AGAP1: variants seen among roughly 807,000 people sequenced by gnomAD.
The protein encoded by AGAP1 is ArfGAP with GTPase domain, ankyrin repeat and PH domain 1, also known as arf-GAP with GTPase, ANK repeat and PH domain-containing protein 1.
Under a neutral mutation model 105.3 loss-of-function variants are expected in AGAP1, and 29 were observed. That is an observed-to-expected ratio of 0.28 (90% CI 0.21 to 0.38). The LOEUF (loss-of-function observed/expected upper bound fraction) is 0.38. Among genes scored for constraint, AGAP1 ranks in the 10% least tolerant of loss-of-function variants. The probability of loss-of-function intolerance (pLI) is 1.00; values close to 1 mark genes in which losing one functional copy is unlikely to be tolerated. For synonymous variants in AGAP1, 509 were observed against 485.9 expected, an observed-to-expected ratio of 1.05 and a Z score of -0.63; for missense variants, 998 against 1,165.1, an observed-to-expected ratio of 0.86 and a Z score of 2.09.
At chr2:235,590,913 G>A (rs1945317278) in intron 1 of AGAP1, among the ~76,000 whole-genome samples, 1 of 151,552 alleles carries the variant, frequency 6.6e-6, no homozygotes, top group Admixed American at 6.6e-5. Flanking sequence ...AGTAGAGACG[G>A]GGTTTCACCA....
intron 13 of AGAP1, among the ~76,000 whole-genome samples, chr2:235,995,526 AAAAG>A (rs1377505756): frequency 2.0e-5 from 3 of 152,148 alleles, no homozygotes; most frequent in East Asian, 1.9e-4. Flanking sequence ...AAAAACAAAC[AAAAG>A]AAAGAAAAAA....
Position 236,076,613 on chromosome 2 carries a change from G to C in AGAP1, c.2114+27332G>C, listed in dbSNP as rs750384246. Among the ~76,000 whole-genome samples the C allele has an allele frequency of 3.9e-5, 6 of 152,168 alleles. No individual in the cohort carries two copies. The highest frequency in any genetic ancestry group is 7.3e-5 in the Non-Finnish European group (5 of 68,034). The stretch of plus-strand genomic sequence containing the variant: ...ATTTTAATCTCAGAGAATGATGATA[G>C]ATGTTTCTGGAAAATGAGTTGTGTT... On this transcript the variant is annotated intron_variant, in intron 16 of 17. Transcript: ENST00000304032. The surrounding 1 kb of genome is among the most constrained non-coding windows in gnomAD (Gnocchi z 4.4).
At position 236,038,855 on chromosome 2, in the gene AGAP1, AC is replaced by A. The variant is rs201852250; in HGVS notation, c.1801-1895del. Among the ~76,000 whole-genome samples the A allele has an allele frequency of 7.1e-3, 1,077 of 151,958 alleles. 11 individuals carry two copies. Among genetic ancestry groups the A allele is most frequent in the African/African-American group, 0.025 (1,020 of 41,404 alleles). On this transcript the variant is annotated intron_variant, in intron 14 of 17. Transcript: ENST00000304032. This position sits in a 1 kb window ranked among gnomAD's most constrained non-coding sequence, Gnocchi z 4.5. Reference sequence around the variant, plus strand: ...TGTGTGTGTGTGTGTGTGTGATCACACACTTGCATTCCAGATGCCAGTGTAA... The same window carrying A: ...TGTGTGTGTGTGTGTGTGTGATCACAACTTGCATTCCAGATGCCAGTGTAA...
rs192889157 is a variant in AGAP1 at position 235,889,149 on chromosome 2, C to T, written c.1155+5700C>T. ...GATGTTTTCCACACATCGGTGTGTT[C>T]GAAAATAAACCCAGCTCTTGGCCAA... On this transcript the variant is annotated intron_variant, in intron 10 of 17. Coordinates refer to ENST00000304032, the MANE Select transcript of AGAP1 (RefSeq NM_001037131.3). This position sits in a 1 kb window ranked among gnomAD's most constrained non-coding sequence, Gnocchi z 4.6. Among the ~76,000 whole-genome samples the T allele has an allele frequency of 1.2e-3, 190 of 152,252 alleles. No homozygotes were observed. Among genetic ancestry groups the T allele is most frequent in the Non-Finnish European group, 2.1e-3 (142 of 68,028 alleles).
rs980703782 is a variant in AGAP1, at chr2:236,005,262, C to T, written c.1646-31299C>T. Among the ~76,000 whole-genome samples, 1 of 152,126 alleles carries T rather than the reference C, an allele frequency of 6.6e-6. No homozygotes were observed. Among genetic ancestry groups the T allele is most frequent in the Non-Finnish European group, 1.5e-5 (1 of 68,012 alleles). On this transcript the variant is annotated intron_variant, in intron 13 of 17. Coordinates refer to ENST00000304032, the MANE Select transcript of AGAP1 (RefSeq NM_001037131.3). This position sits in a 1 kb window ranked among gnomAD's most constrained non-coding sequence, Gnocchi z 4.1. ...CCAGACTCAAGCGATTCTTGCCCCT[C>T]AGCCTCCCAAATAGCTGGGACTACA...
rs1369120965 is a variant in AGAP1, at chr2:235,596,026, T to C, written c.163+101177T>C. 6.6e-6 allele frequency among the ~76,000 whole-genome samples: 1 copy of C among 152,200 alleles called. No individual in the cohort carries two copies. Among genetic ancestry groups the C allele is most frequent in the African/African-American group, 2.4e-5 (1 of 41,450 alleles). ...TTCTGATGTTATGAAGCTATGCTCCTGGAAGTGGTTGTGAAAATCGCAGCC... is the reference window on the plus strand; with the variant it reads ...TTCTGATGTTATGAAGCTATGCTCCCGGAAGTGGTTGTGAAAATCGCAGCC... On this transcript the variant is annotated intron_variant, in intron 1 of 17. Transcript: ENST00000304032. This position sits in a 1 kb window ranked among gnomAD's most constrained non-coding sequence, Gnocchi z 5.9.
chr2:235,919,392 C>T lies in AGAP1; in HGVS notation c.1324+10486C>T, dbSNP rs1397146140. On this transcript the variant is annotated intron_variant, in intron 11 of 17. Transcript: ENST00000304032. This position sits in a 1 kb window ranked among gnomAD's most constrained non-coding sequence, Gnocchi z 4.1. Reference sequence around the variant, plus strand: ...TTACCACTCATATAGTGAACGTTTGCGTTTCTGGAGTATTTCTAGGGAGTG... The same window carrying T: ...TTACCACTCATATAGTGAACGTTTGTGTTTCTGGAGTATTTCTAGGGAGTG... 2.0e-5 allele frequency among the ~76,000 whole-genome samples: 3 copies of T among 152,104 alleles called. No homozygotes were observed. The highest frequency in any genetic ancestry group is 2.1e-4 in the South Asian group (1 of 4,814).
rs1049699058 is a variant in AGAP1 at position 235,689,667 on chromosome 2, T to C, written c.164-19512T>C. The stretch of plus-strand genomic sequence containing the variant: ...CTCCCCTAACCTCAAATCTGTGTAA[T>C]GAAGTATCTGCAACATTTCCACTCA... On this transcript the variant is annotated intron_variant, in intron 1 of 17. Transcript: ENST00000304032. The surrounding 1 kb of genome is among the most constrained non-coding windows in gnomAD (Gnocchi z 4.2). Among the ~76,000 whole-genome samples, 4 of 152,226 alleles carry C rather than the reference T, an allele frequency of 2.6e-5. No individual in the cohort carries two copies. Among genetic ancestry groups the C allele is most frequent in the Non-Finnish European group, 5.9e-5 (4 of 68,044 alleles).
Position 236,027,152 on chromosome 2 carries a change from T to C in AGAP1, c.1646-9409T>C, listed in dbSNP as rs1381394594. Among the ~76,000 whole-genome samples the C allele has an allele frequency of 6.6e-6, 1 of 152,014 alleles. No individual in the cohort carries two copies. Among genetic ancestry groups the C allele is most frequent in the African/African-American group, 2.4e-5 (1 of 41,418 alleles). ...AGTTGCTCTATAATCCTTGTACTTATTTTTTTTAATCTTGGGAGGCAGAGA... is the reference window on the plus strand; with the variant it reads ...AGTTGCTCTATAATCCTTGTACTTACTTTTTTTAATCTTGGGAGGCAGAGA... On this transcript the variant is annotated intron_variant, in intron 13 of 17. Coordinates refer to ENST00000304032, the MANE Select transcript of AGAP1 (RefSeq NM_001037131.3). This position sits in a 1 kb window ranked among gnomAD's most constrained non-coding sequence, Gnocchi z 4.4.
At chr2:236,097,015 C>G (rs1302051408) in intron 16 of AGAP1, among the ~76,000 whole-genome samples, 1 of 152,206 alleles carries the variant, frequency 6.6e-6, no homozygotes, top group Non-Finnish European at 1.5e-5. Context: ...AATTCACTTT[C>G]AGAAGCCTTG....
chr2:235,553,561 A>C lies in AGAP1; in HGVS notation c.163+58712A>C, dbSNP rs1271070904. ...CAATATTAAGAAGGCGAGTCCACGC[A>C]TCTCTCTGGCCTGTTGGCTCACATT... On this transcript the variant is annotated intron_variant, in intron 1 of 17. Transcript: ENST00000304032. The surrounding 1 kb of genome is among the most constrained non-coding windows in gnomAD (Gnocchi z 4.5). 1.3e-5 allele frequency among the ~76,000 whole-genome samples: 2 copies of C among 152,172 alleles called. No individual in the cohort carries two copies. The highest frequency in any genetic ancestry group is 3.9e-4 in the East Asian group (2 of 5,192).
At chr2:235,956,147 A>G (rs779821925) in intron 12 of AGAP1, among the ~76,000 whole-genome samples, 1 of 152,172 alleles carries the variant, frequency 6.6e-6, no homozygotes, top group Non-Finnish European at 1.5e-5. Context: ...TGAGCACCCA[A>G]CTTGAGAAAT....
At chr2:235,863,679 A>G (rs1038147945) in intron 9 of AGAP1, among the ~76,000 whole-genome samples, 3 of 152,228 alleles carry the variant, frequency 2.0e-5, no homozygotes, top group African/African-American at 7.2e-5. Flanking sequence ...GCACATGGCT[A>G]ACTACGGGTC....
chr2:235,884,280 A>G (rs1187178750), intron 10 of AGAP1, among the ~76,000 whole-genome samples: 4 of 152,150 alleles, frequency 2.6e-5, no homozygotes, highest in African/African-American at 9.7e-5. Flanking sequence ...AGTCCCTTAT[A>G]TTAAATGGCA....
intron 1 of AGAP1, among the ~76,000 whole-genome samples, chr2:235,703,969 GC>G (rs1950395918): frequency 1.3e-5 from 2 of 152,104 alleles, no homozygotes; most frequent in South Asian, 4.1e-4. Context: ...GCCACCTCGC[GC>G]CCGACCAGAA....
chr2:236,034,301 A>AT (rs11303036), intron 13 of AGAP1, among the ~76,000 whole-genome samples: 4,631 of 146,496 alleles, frequency 0.032, 148 homozygotes, highest in East Asian at 0.11. Context: ...AGTTACAATG[A>AT]TTTTTTTTTT....
intron 1 of AGAP1, among the ~76,000 whole-genome samples, chr2:235,630,662 C>T (rs181021732): frequency 5.2e-4 from 79 of 152,348 alleles, no homozygotes; most frequent in African/African-American, 1.8e-3. Flanking sequence ...TGGGGAGCAG[C>T]AGCTGATGTG....
rs1016128032 is a variant in AGAP1, at chr2:235,887,936, C to T, written c.1155+4487C>T. Among the ~76,000 whole-genome samples the T allele has an allele frequency of 1.3e-5, 2 of 152,112 alleles. No homozygotes were observed. The highest frequency in any genetic ancestry group is 4.2e-4 in the South Asian group (2 of 4,818). On this transcript the variant is annotated intron_variant, in intron 10 of 17. Transcript: ENST00000304032. The surrounding 1 kb of genome is among the most constrained non-coding windows in gnomAD (Gnocchi z 4.1). ...GATTCAGACAGAGATGAGATAGGGC[C>T]GTGCGGCAGCCCATCACCGGCAGCG... is the stretch of plus-strand genomic sequence containing the variant.
At chr2:235,544,338 G>T (rs1024868513) in intron 1 of AGAP1, among the ~76,000 whole-genome samples, 5 of 152,178 alleles carry the variant, frequency 3.3e-5, no homozygotes, top group Admixed American at 3.3e-4. Flanking sequence ...TGTGCCTCCT[G>T]CCGTTGCTTA....
Sources: gnomAD v4.1 joint callset for allele counts (sites outside exome capture counted in the v4.1 genomes callset) on GRCh38, gnomAD v4.1.1 for gene constraint, Gnocchi (gnomAD v3.1) non-coding constraint, MANE v1.5 for transcripts, NCBI Gene and HGNC (gene_info 2026-07-23, HGNC 2026-07-21) for gene names.